The following MAP2K4 variants were observed in gnomAD, a reference collection of about 807,000 sequenced individuals.
MAP2K4 encodes the protein dual specificity mitogen-activated protein kinase kinase 4.
A neutral mutation model predicts 48.5 loss-of-function variants in MAP2K4; 4 were observed. The observed-to-expected ratio is 0.08, with a 90% CI of 0.04 to 0.19. The LOEUF (loss-of-function observed/expected upper bound fraction) is 0.19. Among genes scored for constraint, MAP2K4 ranks in the 10% least tolerant of loss-of-function variants. MAP2K4 has a pLI of 1.00. For missense variants in MAP2K4, 258 were observed against 493.3 expected, an observed-to-expected ratio of 0.52 and a Z score of 4.52; for synonymous variants, 166 against 173.1, an observed-to-expected ratio of 0.96 and a Z score of 0.32.
intron 1 of MAP2K4, among the ~76,000 whole-genome samples, chr17:12,045,979 T>C (rs538906267): frequency 1.8e-4 from 28 of 152,252 alleles, no homozygotes; most frequent in Admixed American, 1.0e-3. Flanking sequence ...TGACTCTTGC[T>C]ATGCTGCAAA....
chr17:12,093,650 A>G (rs766398899), intron 3 of MAP2K4, among the ~76,000 whole-genome samples: 38 of 152,232 alleles, frequency 2.5e-4, no homozygotes, highest in Non-Finnish European at 1.2e-4. Context: ...TTGCCAATAT[A>G]TTCATACTAG....
At chr17:12,086,408 C>G (rs1435747095) in intron 3 of MAP2K4, among the ~76,000 whole-genome samples, 1 of 152,086 alleles carries the variant, frequency 6.6e-6, no homozygotes, top group Non-Finnish European at 1.5e-5. Context: ...ATTTTGAACT[C>G]AGGTTGCTTA....
At chr17:12,136,020 T>C (rs1973196059) in intron 9 of MAP2K4, among the ~76,000 whole-genome samples, 1 of 152,198 alleles carries the variant, frequency 6.6e-6, no homozygotes, top group Non-Finnish European at 1.5e-5. Flanking sequence ...ATATTGAATA[T>C]GGTAAAAATA....
chr17:12,026,656 G>A, intron 1 of MAP2K4, among the ~76,000 whole-genome samples: 1 of 152,210 alleles, frequency 6.6e-6, no homozygotes, highest in East Asian at 1.9e-4. Context: ...CTACTGCATG[G>A]TTCTCTGAGC....
intron 2 of MAP2K4, among the ~76,000 whole-genome samples, chr17:12,061,929 G>A (rs1970461413): frequency 6.6e-6 from 1 of 151,756 alleles, no homozygotes. Flanking sequence ...CTGAGTAACA[G>A]TATGATTATA....
intron 2 of MAP2K4, among the ~76,000 whole-genome samples, chr17:12,058,014 G>A (rs776951659): frequency 2.6e-5 from 4 of 151,418 alleles, no homozygotes; most frequent in Non-Finnish European, 5.9e-5. Context: ...TTTGGTTATA[G>A]ATCATCACCT....
At position 12,123,033 on chromosome 17, in the gene MAP2K4, T is replaced by A. The variant is rs189453098; in HGVS notation, c.814-2261T>A. ...TATGTTGCTGGATTAGGTTTGCTCA[T>A]ATTTTGTTATTTTTGTGTCTTTCTG... On this transcript the variant is annotated intron_variant, in intron 7 of 10. Coordinates refer to ENST00000353533, the MANE Select transcript of MAP2K4 (RefSeq NM_003010.4). Among the ~76,000 whole-genome samples, 108 of 152,348 alleles carry A rather than the reference T, an allele frequency of 7.1e-4. No homozygotes were observed. In the East Asian group the frequency reaches 0.02, roughly 28 times the overall value.
At chr17:12,048,204 C>T (rs755231472) in intron 1 of MAP2K4, among the ~76,000 whole-genome samples, 3 of 152,238 alleles carry the variant, frequency 2.0e-5, no homozygotes, top group East Asian at 1.9e-4. Context: ...GAATGCCCAA[C>T]GAAACAGTCT....
At chr17:12,119,733 T>C (rs1238221722) in intron 7 of MAP2K4, among the ~76,000 whole-genome samples, 1 of 152,146 alleles carries the variant, frequency 6.6e-6, no homozygotes, top group African/African-American at 2.4e-5. Context: ...CAAAGACATG[T>C]AATCAACCTA....
At chr17:12,114,137 T>C (rs920626671) in intron 7 of MAP2K4, among the ~76,000 whole-genome samples, 1 of 152,180 alleles carries the variant, frequency 6.6e-6, no homozygotes, top group Non-Finnish European at 1.5e-5. Flanking sequence ...TGTTTTAAAC[T>C]AAAGATAAGC....
At chr17:12,028,580 A>G (rs1161029785) in intron 1 of MAP2K4, among the ~76,000 whole-genome samples, 3 of 152,224 alleles carry the variant, frequency 2.0e-5, no homozygotes, top group African/African-American at 7.2e-5. Flanking sequence ...TGGAAGTTTG[A>G]AGGTGTCAGA....
chr17:12,134,718 G>C (rs1383449081), intron 9 of MAP2K4, among the ~76,000 whole-genome samples: 1 of 152,122 alleles, frequency 6.6e-6, no homozygotes, highest in East Asian at 1.9e-4. Flanking sequence ...GAAAAGATAA[G>C]ACTTGACAAG....
intron 1 of MAP2K4, among the ~76,000 whole-genome samples, chr17:12,040,138 G>A (rs1386673902): frequency 1.3e-5 from 2 of 152,142 alleles, no homozygotes; most frequent in Non-Finnish European, 2.9e-5. Context: ...ATAGTGTAAA[G>A]TTCTCCGTCA....
rs186447607 is a variant in MAP2K4 at position 12,064,542 on chromosome 17, G to A, written c.218+9551G>A. ...AGGTGATACCACTACACTTCCACCC[G>A]AAGGGCTAGAATTTAAAAGACCAGG... On this transcript the variant is annotated intron_variant, in intron 2 of 10. Coordinates refer to ENST00000353533, the MANE Select transcript of MAP2K4 (RefSeq NM_003010.4). Among the ~76,000 whole-genome samples the A allele has an allele frequency of 4.9e-4, 74 of 152,298 alleles. 1 individual carries two copies. Among genetic ancestry groups the A allele is most frequent in the East Asian group, 1.3e-3 (7 of 5,190 alleles).
intron 4 of MAP2K4, among the ~76,000 whole-genome samples, chr17:12,102,758 T>G (rs1031271667): frequency 2.0e-5 from 3 of 152,218 alleles, no homozygotes; most frequent in Non-Finnish European, 4.4e-5. Context: ...TGGTATTTGT[T>G]TCTTTGAAGA....
chr17:12,020,930 G>A lies in MAP2K4; in HGVS notation c.44G>A (p.Gly15Asp), dbSNP rs2151500892. Residue 15 changes from glycine to aspartate, a missense_variant, in exon 1 of 11, where the codon GGC becomes GAC. Physicochemically the swap from Gly to Asp is moderately conservative, Grantham distance 94. Transcript: ENST00000353533. ...AGCGGCGGCGGCGGCTCCGGGGGCG[G>A]CAGCGGCAGCGGCACCCCCGGCCCC... is the stretch of plus-strand genomic sequence containing the variant. ...SPSGGGGSGG[G>D]SGSGTPGPVG... 8.2e-7 allele frequency: 1 copy of A among 1,217,632 alleles called. No individual in the cohort carries two copies. Among genetic ancestry groups the A allele is most frequent in the Non-Finnish European group, 1.0e-6 (1 of 979,006 alleles). The allele number at this position is 1,217,632 out of a possible 1,614,324, so 75.4% of individuals were successfully genotyped here.
intron 3 of MAP2K4, among the ~76,000 whole-genome samples, chr17:12,089,059 A>C (rs1025725049): frequency 6.6e-6 from 1 of 151,650 alleles, no homozygotes; most frequent in Non-Finnish European, 1.5e-5. Context: ...CTACAGGCGC[A>C]CGCCACCACG....
Position 12,143,409 on chromosome 17 carries a change from TAAAAC to T in MAP2K4, c.*2154_*2158del, listed in dbSNP as rs1001497643. On this transcript the variant is annotated 3_prime_UTR_variant, in exon 11 of 11. Coordinates refer to ENST00000353533, the MANE Select transcript of MAP2K4 (RefSeq NM_003010.4). Reference sequence around the variant, plus strand: ...GGAGTTTATTACAATGTATCTTTATTAAAACAAAAGGGTGTATAGTGTTCACAAAC... The same window carrying T: ...GGAGTTTATTACAATGTATCTTTATTAAAAGGGTGTATAGTGTTCACAAAC... 7 of 232,710 alleles carry T rather than the reference TAAAAC, an allele frequency of 3.0e-5. No individual in the cohort carries two copies. The highest frequency in any genetic ancestry group is 6.6e-5 in the African/African-American group (3 of 45,318). 14.4% of individuals were successfully genotyped at this position (232,710 alleles called of 1,614,324 possible).
At chr17:12,127,925 C>T (rs1201080859) in intron 8 of MAP2K4, among the ~76,000 whole-genome samples, 1 of 152,178 alleles carries the variant, frequency 6.6e-6, no homozygotes, top group Non-Finnish European at 1.5e-5. Context: ...TCTGAGAGTT[C>T]TCTCTCTCTT....
Sources: gnomAD v4.1 joint callset for allele counts (sites outside exome capture counted in the v4.1 genomes callset) on GRCh38, gnomAD v4.1.1 for gene constraint, MANE v1.5 for transcripts, NCBI Gene and HGNC (gene_info 2026-07-23, HGNC 2026-07-21) for gene names.